Variants in CTNNA2 observed in about 807,000 individuals in gnomAD.
CTNNA2 encodes the protein catenin alpha 2, also known as catenin alpha-2.
CTNNA2 carries 42 observed loss-of-function variants against 101.0 expected under a neutral mutation model. That is an observed-to-expected ratio of 0.42 (90% CI 0.32 to 0.54). The LOEUF is 0.54. CTNNA2 is among the 20% of genes least tolerant of loss of function. The probability of loss-of-function intolerance (pLI) is 0.14; values close to 1 mark genes in which losing one functional copy is unlikely to be tolerated. For missense variants in CTNNA2, 871 were observed against 1,223.1 expected (o/e 0.71, Z 4.29); for synonymous variants, 450 against 456.4 (o/e 0.99, Z 0.18).
intron 1 of CTNNA2, among the ~76,000 whole-genome samples, chr2:79,580,097 A>C (rs952978027): frequency 6.6e-6 from 1 of 152,038 alleles, no homozygotes; most frequent in African/African-American, 2.4e-5. Context: ...CATTGTAGCA[A>C]CCCCATCTCT....
chr2:80,348,492 A>G (rs1672981851), intron 7 of CTNNA2, among the ~76,000 whole-genome samples: 1 of 152,188 alleles, frequency 6.6e-6, no homozygotes, highest in Non-Finnish European at 1.5e-5. Flanking sequence ...ACAGCCGGTC[A>G]TTGGAAAAGC....
chr2:79,822,977 A>T (rs1242333389), intron 3 of CTNNA2, among the ~76,000 whole-genome samples: 1 of 152,072 alleles, frequency 6.6e-6, no homozygotes, highest in African/African-American at 2.4e-5. Context: ...CTCTTTTCTG[A>T]TGTATGCTGG....
At chr2:79,837,328 TTC>T (rs1679452359) in intron 3 of CTNNA2, among the ~76,000 whole-genome samples, 1 of 152,212 alleles carries the variant, frequency 6.6e-6, no homozygotes, top group African/African-American at 2.4e-5. Flanking sequence ...TTCCACATTT[TTC>T]TGCCTGTTTA....
intron 7 of CTNNA2, among the ~76,000 whole-genome samples, chr2:80,240,583 C>G (rs1411573140): frequency 1.3e-5 from 2 of 152,068 alleles, no homozygotes; most frequent in Non-Finnish European, 2.9e-5. Flanking sequence ...ATTTTGTGTC[C>G]AAATCTTTGT....
chr2:80,646,021 G>A (rs1334573629), intron 18 of CTNNA2, among the ~76,000 whole-genome samples: 1 of 152,074 alleles, frequency 6.6e-6, no homozygotes, highest in Non-Finnish European at 1.5e-5. Context: ...AAGGGATATG[G>A]AACAAAAAGC....
chr2:80,126,158 CCT>C (rs1247491486), intron 7 of CTNNA2, among the ~76,000 whole-genome samples: 2 of 151,964 alleles, frequency 1.3e-5, no homozygotes, highest in African/African-American at 4.8e-5. Flanking sequence ...GTGTTTTTCC[CCT>C]CTTTTTTCTG....
chr2:80,095,970 A>AT (rs1248623508), intron 7 of CTNNA2, among the ~76,000 whole-genome samples: 1 of 151,676 alleles, frequency 6.6e-6, no homozygotes, highest in Non-Finnish European at 1.5e-5. Context: ...GGATACATTG[A>AT]TTTTTTGAAG....
intron 9 of CTNNA2, among the ~76,000 whole-genome samples, chr2:80,470,354 C>A (rs972540095): frequency 2.0e-5 from 3 of 152,024 alleles, no homozygotes; most frequent in Admixed American, 6.6e-5. Context: ...AGATAAAGGG[C>A]CAGATAAGGA....
In CTNNA2 at chr2:79,666,586, A is replaced by G. The variant is rs140403336; in HGVS notation, c.102+14928A>G. Among the ~76,000 whole-genome samples the G allele has an allele frequency of 4.4e-3, 663 of 152,276 alleles. 3 individuals carry two copies. Among genetic ancestry groups the G allele is most frequent in the African/African-American group, 0.015 (605 of 41,544 alleles). On this transcript the variant is annotated intron_variant, in intron 2 of 18. Coordinates refer to ENST00000402739, the MANE Select transcript of CTNNA2 (RefSeq NM_001282597.3). ...AATTGTCATCATTATTCAGAATCTCATAGATGTTTAACCACACAAATACGG... is the reference window on the plus strand; with the variant it reads ...AATTGTCATCATTATTCAGAATCTCGTAGATGTTTAACCACACAAATACGG...
At chr2:79,244,532 C>T (rs1445694112) in intron 2 of CTNNA2, among the ~76,000 whole-genome samples, 1 of 152,158 alleles carries the variant, frequency 6.6e-6, no homozygotes, top group East Asian at 1.9e-4. Flanking sequence ...TGCAGCTACC[C>T]ACAGAAGCTA....
chr2:79,465,843 C>T (rs2104540482), intron 4 of CTNNA2, among the ~76,000 whole-genome samples: 1 of 152,290 alleles, frequency 6.6e-6, no homozygotes, highest in African/African-American at 2.4e-5. Context: ...TATCCTGAGA[C>T]TTTGCTGAAT....
rs144891699 is a variant in CTNNA2 at position 80,465,906 on chromosome 2, T to C, written c.1290+46305T>C. Among the ~76,000 whole-genome samples, 433 of 152,320 alleles carry C rather than the reference T, an allele frequency of 2.8e-3. 2 individuals carry two copies. The highest frequency in any genetic ancestry group is 0.01 in the African/African-American group (421 of 41,580). ...GGTTTTTATTTTTTTCATCTAAAAA[T>C]GAAGTAGGCATTCTTCTAATATGAA... On this transcript the variant is annotated intron_variant, in intron 9 of 18. Transcript: ENST00000402739.
intron 4 of CTNNA2, among the ~76,000 whole-genome samples, chr2:79,494,471 C>T (rs1671235207): frequency 6.6e-6 from 1 of 152,050 alleles, no homozygotes; most frequent in Non-Finnish European, 1.5e-5. Context: ...ACATGTAGAT[C>T]TATGGATTAC....
At chr2:79,606,649 A>C (rs2104145403) in intron 1 of CTNNA2, among the ~76,000 whole-genome samples, 1 of 152,316 alleles carries the variant, frequency 6.6e-6, no homozygotes, top group Admixed American at 6.5e-5. Context: ...ATGCCAGTTG[A>C]ATAAGTCCAT....
At chr2:79,801,233 A>G (rs563406558) in intron 3 of CTNNA2, among the ~76,000 whole-genome samples, 3 of 152,174 alleles carry the variant, frequency 2.0e-5, no homozygotes, top group Non-Finnish European at 4.4e-5. Context: ...TGGTGTGACC[A>G]GCTTCCCACA....
At chr2:80,505,261 T>C (rs950209338) in intron 9 of CTNNA2, among the ~76,000 whole-genome samples, 4 of 152,202 alleles carry the variant, frequency 2.6e-5, no homozygotes, top group African/African-American at 4.8e-5. Flanking sequence ...AGGAAGAAAG[T>C]GTTCTTGATA....
intron 7 of CTNNA2, among the ~76,000 whole-genome samples, chr2:80,187,424 A>G (rs1706199708): frequency 6.6e-6 from 1 of 152,252 alleles, no homozygotes; most frequent in African/African-American, 2.4e-5. Context: ...ACTATATAAC[A>G]AAGTGCTGTC....
At chr2:79,585,160 T>A (rs1239904717) in intron 1 of CTNNA2, among the ~76,000 whole-genome samples, 1 of 152,140 alleles carries the variant, frequency 6.6e-6, no homozygotes. Context: ...CTTTTAGATG[T>A]ATTTTCTTCT....
intron 2 of CTNNA2, among the ~76,000 whole-genome samples, chr2:79,672,079 CA>C (rs1682877251): frequency 6.6e-6 from 1 of 151,890 alleles, no homozygotes; most frequent in African/African-American, 2.4e-5. Context: ...TCATCTTGGT[CA>C]AAAATGCCTA....
Sources: allele counts gnomAD v4.1 joint callset (sites outside exome capture counted in the v4.1 genomes callset), GRCh38; gene constraint gnomAD v4.1.1; transcripts MANE v1.5; gene names NCBI Gene and HGNC (gene_info 2026-07-23, HGNC 2026-07-21).